KIAA1217: variants seen among roughly 807,000 people sequenced by gnomAD.
KIAA1217 encodes the protein sickle tail protein homolog.
Under a neutral mutation model 163.9 loss-of-function variants are expected in KIAA1217, and 88 were observed. The observed-to-expected ratio is 0.54, with a 90% CI of 0.45 to 0.64. The LOEUF (loss-of-function observed/expected upper bound fraction) is 0.64, where lower values mean the gene tolerates loss of function less well. Ranked by LOEUF, KIAA1217 falls within the 30% of genes least tolerant of loss-of-function variation. KIAA1217 has a pLI of 0.00. For missense variants in KIAA1217, 2,372 were observed against 2,475.0 expected (o/e 0.96, Z 0.88); for synonymous variants, 903 against 923.1 (o/e 0.98, Z 0.39).
chr10:23,940,460 C>CAAAAAAAAAAAAAAAAAAAAAAAGAAA (rs1843716251), intron 1 of KIAA1217, among the ~76,000 whole-genome samples: 1 of 46,028 alleles, frequency 2.2e-5, no homozygotes, highest in African/African-American at 6.3e-5. Context: ...GACTCCGTCT[C>CAAAAAAAAAAAAAAAAAAAAAAAGAAA]AAAAAAAAAA....
At chr10:24,476,842 C>T (rs912359552) in intron 6 of KIAA1217, among the ~76,000 whole-genome samples, 15 of 151,764 alleles carry the variant, frequency 9.9e-5, no homozygotes, top group Admixed American at 9.9e-4. Flanking sequence ...ACACATACCA[C>T]ATGGACACAC....
At chr10:24,446,578 G>T (rs940632058) in intron 5 of KIAA1217, among the ~76,000 whole-genome samples, 1 of 152,022 alleles carries the variant, frequency 6.6e-6, no homozygotes, top group Admixed American at 6.6e-5. Context: ...CACAGAAATG[G>T]AAGTTTCAGA....
At chr10:23,980,537 C>G (rs1238216699) in intron 1 of KIAA1217, among the ~76,000 whole-genome samples, 2 of 152,006 alleles carry the variant, frequency 1.3e-5, no homozygotes, top group African/African-American at 4.8e-5. Context: ...GGAGAGTGTC[C>G]CTCGGGTTTT....
At chr10:24,410,392 G>A (rs1416945107) in intron 3 of KIAA1217, among the ~76,000 whole-genome samples, 1 of 152,156 alleles carries the variant, frequency 6.6e-6, no homozygotes, top group African/African-American at 2.4e-5. Context: ...AAAACAGAGA[G>A]ATACCTTGCC....
At chr10:24,060,339 G>C (rs1444741302) in intron 2 of KIAA1217, among the ~76,000 whole-genome samples, 34 of 152,112 alleles carry the variant, frequency 2.2e-4, no homozygotes, top group South Asian at 6.2e-4. Flanking sequence ...TTTGTTGGTT[G>C]CAAGATATTT....
chr10:24,531,748 A>T (rs564673721), intron 14 of KIAA1217, 82 bp from the exon 15 acceptor site: 2 of 1,338,782 alleles, frequency 1.5e-6, no homozygotes, highest in African/African-American at 1.5e-5. Context: ...ATCAGATTGC[A>T]TTGGGTTTGT....
chr10:24,501,776 T>G (rs560742636), intron 9 of KIAA1217, among the ~76,000 whole-genome samples: 75 of 118,942 alleles, frequency 6.3e-4, no homozygotes, highest in Non-Finnish European at 9.6e-4. Context: ...TGAGACGTAG[T>G]CTCGCTTTGT....
intron 2 of KIAA1217, among the ~76,000 whole-genome samples, chr10:24,095,020 G>A (rs950152686): frequency 1.3e-5 from 2 of 152,182 alleles, no homozygotes; most frequent in Admixed American, 6.5e-5. Context: ...GACTCCGTGG[G>A]CATAGGACCC....
At chr10:24,165,685 A>C (rs1217618908) in intron 2 of KIAA1217, among the ~76,000 whole-genome samples, 1 of 152,194 alleles carries the variant, frequency 6.6e-6, no homozygotes, top group Non-Finnish European at 1.5e-5. Flanking sequence ...AGTTTATAGG[A>C]TCTTGCTCAG....
intron 1 of KIAA1217, among the ~76,000 whole-genome samples, chr10:23,726,719 C>T (rs1463985871): frequency 1.3e-5 from 2 of 151,874 alleles, no homozygotes; most frequent in East Asian, 1.9e-4. Context: ...AACAAACAAC[C>T]CCATCAACAA....
chr10:24,032,593 A>G (rs1327087309), intron 2 of KIAA1217, among the ~76,000 whole-genome samples: 2 of 152,180 alleles, frequency 1.3e-5, no homozygotes, highest in African/African-American at 4.8e-5. Flanking sequence ...GTCTCATTAG[A>G]ATCCTTTAAA....
chr10:23,815,750 T>C (rs7907848), intron 1 of KIAA1217, among the ~76,000 whole-genome samples: 49,680 of 152,204 alleles, frequency 0.33, 10,755 homozygotes, highest in African/African-American at 0.62. Flanking sequence ...TATTCACATA[T>C]TTCATGTATA....
chr10:24,075,998 G>A (rs558141038), intron 2 of KIAA1217, among the ~76,000 whole-genome samples: 1 of 152,182 alleles, frequency 6.6e-6, no homozygotes, highest in Non-Finnish European at 1.5e-5. Flanking sequence ...TGTAACAGAA[G>A]CCTGAGAATT....
chr10:24,467,145 T>A (rs970018923), intron 5 of KIAA1217, among the ~76,000 whole-genome samples: 6 of 152,198 alleles, frequency 3.9e-5, no homozygotes, highest in African/African-American at 1.2e-4. Context: ...ATGGTTCTTT[T>A]GGGAAATAAT....
intron 1 of KIAA1217, among the ~76,000 whole-genome samples, chr10:23,889,244 G>A (rs1841319786): frequency 1.3e-5 from 2 of 151,812 alleles, no homozygotes; most frequent in Admixed American, 6.6e-5. Context: ...GTTTTCTAAC[G>A]TGATGGGACC....
rs869211148 is a variant in KIAA1217 at position 24,355,728 on chromosome 10, C to CTTTTTTTT, written c.355-25110_355-25103dup. On this transcript the variant is annotated intron_variant, in intron 2 of 20. Transcript: ENST00000376454. The stretch of plus-strand genomic sequence containing the variant: ...GAGATGAGCATAGCAAGTCCTCACT[C>CTTTTTTTT]TTTTTTTTTTTTTTTTTTTTTTTTT... Among the ~76,000 whole-genome samples, 146 of 32,218 alleles carry CTTTTTTTT rather than the reference C, an allele frequency of 4.5e-3. 56 individuals carry two copies. Among genetic ancestry groups the CTTTTTTTT allele is most frequent in the Non-Finnish European group, 7.4e-3 (104 of 14,002 alleles). 21.1% of individuals were successfully genotyped at this position (32,218 alleles called of 152,430 possible).
chr10:23,876,505 A>T (rs893020208), intron 1 of KIAA1217, among the ~76,000 whole-genome samples: 1 of 129,812 alleles, frequency 7.7e-6, no homozygotes, highest in Non-Finnish European at 1.5e-5. Flanking sequence ...AACAAAAAAT[A>T]AAAAAAAAAG....
intron 5 of KIAA1217, among the ~76,000 whole-genome samples, chr10:24,471,878 C>A (rs1460940429): frequency 2.2e-5 from 3 of 134,996 alleles, no homozygotes; most frequent in Non-Finnish European, 4.6e-5. Context: ...CAGAGCAAGA[C>A]TCCATCTCAA....
intron 1 of KIAA1217, among the ~76,000 whole-genome samples, chr10:23,789,974 C>CAT (rs1554794377): frequency 2.4e-5 from 3 of 126,242 alleles, no homozygotes; most frequent in East Asian, 2.2e-4. Context: ...TATACATATA[C>CAT]ATATATACAC....
Sources: allele counts gnomAD v4.1 joint callset (sites outside exome capture counted in the v4.1 genomes callset), GRCh38; gene constraint gnomAD v4.1.1; transcripts MANE v1.5; gene names NCBI Gene and HGNC (gene_info 2026-07-23, HGNC 2026-07-21).